The following CLASP1 variants were observed in gnomAD, a reference collection of about 807,000 sequenced individuals.
CLASP1 encodes the protein CLIP-associating protein 1.
CLASP1 carries 38 observed loss-of-function variants against 192.3 expected under a neutral mutation model. The ratio of observed to expected loss-of-function variants is 0.20; its 90% CI spans 0.15 to 0.26. The LOEUF (loss-of-function observed/expected upper bound fraction) is 0.26, where lower values mean the gene tolerates loss of function less well. CLASP1 is among the 10% of genes least tolerant of loss of function. The pLI, the probability that CLASP1 is intolerant of heterozygous loss-of-function variation, is 1.00. For missense variants in CLASP1, 1,433 were observed against 1,932.5 expected, an observed-to-expected ratio of 0.74 and a Z score of 4.85; for synonymous variants, 691 against 712.8, an observed-to-expected ratio of 0.97 and a Z score of 0.49.
intron 2 of CLASP1, among the ~76,000 whole-genome samples, chr2:121,581,199 C>T (rs2061094879): frequency 6.6e-6 from 1 of 151,298 alleles, no homozygotes; most frequent in African/African-American, 2.4e-5. Context: ...AGCAAAGGAT[C>T]CCAGGAACTA....
At chr2:121,580,757 T>G (rs2105556490) in intron 2 of CLASP1, among the ~76,000 whole-genome samples, 1 of 152,364 alleles carries the variant, frequency 6.6e-6, no homozygotes, top group Middle Eastern at 3.4e-3. Context: ...TTTAAATCAA[T>G]CATGCACATA....
intron 8 of CLASP1, among the ~76,000 whole-genome samples, chr2:121,478,614 A>G (rs530128409): frequency 7.0e-6 from 1 of 141,876 alleles, no homozygotes; most frequent in Non-Finnish European, 1.5e-5. Context: ...ACACACACAC[A>G]CACCACACAC....
At chr2:121,534,763 A>G (rs2095000138) in intron 2 of CLASP1, among the ~76,000 whole-genome samples, 2 of 151,086 alleles carry the variant, frequency 1.3e-5, no homozygotes, top group Non-Finnish European at 3.0e-5. Flanking sequence ...CCTGACCTCA[A>G]GCAATCTGCC....
chr2:121,345,338 C>A (rs539771477), intron 39 of CLASP1, among the ~76,000 whole-genome samples: 79 of 152,026 alleles, frequency 5.2e-4, no homozygotes, highest in Non-Finnish European at 8.1e-4. Context: ...GGGTCAATTG[C>A]CAAATGGGGA....
Position 121,451,858 on chromosome 2 carries a change from T to G in CLASP1, c.1386-9A>C. 1 of 1,545,768 alleles carries G rather than the reference T, an allele frequency of 6.5e-7. No homozygotes were observed. The highest frequency in any genetic ancestry group is 8.8e-7 in the Non-Finnish European group (1 of 1,139,120). ...AAAATTCAAAACAGCGCCTAAAAAGTATTAAGAAATACACAACTTATTAAT... is the reference window on the plus strand; with the variant it reads ...AAAATTCAAAACAGCGCCTAAAAAGGATTAAGAAATACACAACTTATTAAT... On this transcript the variant is annotated splice_polypyrimidine_tract_variant and intron_variant, in intron 14 of 39. Coordinates refer to ENST00000263710, the Ensembl canonical transcript of CLASP1.
chr2:121,554,543 T>C (rs1239193907), intron 2 of CLASP1, among the ~76,000 whole-genome samples: 2 of 150,874 alleles, frequency 1.3e-5, no homozygotes, highest in Non-Finnish European at 2.9e-5. Context: ...GGTGGGAGGA[T>C]GGCGTGGGCC....
intron 23 of CLASP1, among the ~76,000 whole-genome samples, chr2:121,416,817 C>T (rs2078663701): frequency 6.6e-6 from 1 of 152,194 alleles, no homozygotes; most frequent in South Asian, 2.1e-4. Context: ...GAGAAAGTGG[C>T]TTATTCTGCC....
intron 1 of CLASP1, among the ~76,000 whole-genome samples, chr2:121,623,503 G>A (rs572419494): frequency 8.5e-5 from 13 of 152,282 alleles, no homozygotes; most frequent in Non-Finnish European, 1.5e-5. Flanking sequence ...CTTGTCTTGT[G>A]ACATTTTTGC....
rs189826432 is a variant in CLASP1, at chr2:121,342,549, A to C, written c.4531-1602T>G. On this transcript the variant is annotated intron_variant, in intron 39 of 39. Coordinates refer to ENST00000263710, the Ensembl canonical transcript of CLASP1. ...AAGAAAGCTCTCTAATCAACAACCT[A>C]AACTTTTATCTTAAGGAACTAGAAA... 8.5e-5 allele frequency among the ~76,000 whole-genome samples: 13 copies of C among 152,336 alleles called. No individual in the cohort carries two copies. The East Asian group carries it at 2.1e-3, about 25-fold the overall frequency.
chr2:121,389,046 A>G (rs2073864201), intron 30 of CLASP1, among the ~76,000 whole-genome samples: 1 of 152,192 alleles, frequency 6.6e-6, no homozygotes, highest in African/African-American at 2.4e-5. Flanking sequence ...CAAAATTACT[A>G]TTTTGTGCCT....
chr2:121,341,660 T>C (rs1573469900), intron 39 of CLASP1, among the ~76,000 whole-genome samples: 1 of 151,524 alleles, frequency 6.6e-6, no homozygotes, highest in Non-Finnish European at 1.5e-5. Context: ...CAAAACAGAG[T>C]TGACATCAAA....
chr2:121,648,450 CCAGCTGCAAACT>C (rs879672367), intron 1 of CLASP1, among the ~76,000 whole-genome samples: 9 of 152,148 alleles, frequency 5.9e-5, no homozygotes, highest in South Asian at 2.1e-4. Context: ...AGAAACTCAC[CCAGCTGCAAACT>C]CAGCTGCAAA....
At chr2:121,568,532 T>C (rs908541760) in intron 2 of CLASP1, among the ~76,000 whole-genome samples, 7 of 150,960 alleles carry the variant, frequency 4.6e-5, no homozygotes, top group African/African-American at 1.5e-4. Flanking sequence ...ACTAAGCAAG[T>C]AACACGCTCA....
intron 37 of CLASP1, among the ~76,000 whole-genome samples, chr2:121,360,481 C>T (rs2066171386): frequency 6.6e-6 from 1 of 151,548 alleles, no homozygotes; most frequent in Non-Finnish European, 1.5e-5. Flanking sequence ...AATATGCCAA[C>T]AAGATGCCTA....
At chr2:121,478,792 A>C (rs142063077) in intron 8 of CLASP1, among the ~76,000 whole-genome samples, 5 of 23,436 alleles carry the variant, frequency 2.1e-4, no homozygotes, top group South Asian at 1.4e-3. Flanking sequence ...CCCCACACAC[A>C]CCACACACCA....
intron 8 of CLASP1, among the ~76,000 whole-genome samples, chr2:121,472,832 G>C (rs1459026924): frequency 6.6e-6 from 1 of 152,222 alleles, no homozygotes; most frequent in Admixed American, 6.5e-5. Flanking sequence ...ATTCAATGGA[G>C]ACCCCCAGAG....
intron 2 of CLASP1, chr2:121,532,251 C>T (rs1271838323): frequency 6.6e-6 from 1 of 152,136 alleles, no homozygotes; most frequent in South Asian, 2.1e-4. Context: ...ATTTTTAAAA[C>T]TTTTATAAAG....
At chr2:121,465,997 T>A (rs2089487320) in intron 9 of CLASP1, among the ~76,000 whole-genome samples, 1 of 152,208 alleles carries the variant, frequency 6.6e-6, no homozygotes, top group Non-Finnish European at 1.5e-5. Context: ...GATCCCTTCC[T>A]TACACCTTAT....
chr2:121,579,149 T>C (rs1013527985), intron 2 of CLASP1, among the ~76,000 whole-genome samples: 1 of 152,142 alleles, frequency 6.6e-6, no homozygotes, highest in Admixed American at 6.5e-5. Context: ...ATTCATATGG[T>C]TTTTTTACTC....
Sources: allele counts gnomAD v4.1 joint callset (sites outside exome capture counted in the v4.1 genomes callset), GRCh38; gene constraint gnomAD v4.1.1; transcripts MANE v1.5; gene names NCBI Gene and HGNC (gene_info 2026-07-23, HGNC 2026-07-21).